The following ADAMTS17 variants were observed in gnomAD, a reference collection of about 807,000 sequenced individuals.
ADAMTS17 encodes the protein A disintegrin and metalloproteinase with thrombospondin motifs 17.
ADAMTS17 carries 113 observed loss-of-function variants against 141.5 expected under a neutral mutation model. The observed-to-expected ratio is 0.80, with a 90% CI of 0.69 to 0.93. The LOEUF is 0.93. Among genes scored for constraint, ADAMTS17 ranks in the 40% least tolerant of loss-of-function variants. ADAMTS17 has a pLI of 0.00. For synonymous variants in ADAMTS17, 768 were observed against 630.6 expected (o/e 1.22, Z -3.27); for missense variants, 1,659 against 1,517.9 (o/e 1.09, Z -1.54).
At chr15:100,136,892 C>T (rs2038361608) in intron 10 of ADAMTS17, among the ~76,000 whole-genome samples, 1 of 152,152 alleles carries the variant, frequency 6.6e-6, no homozygotes, top group South Asian at 2.1e-4. Flanking sequence ...GGGTAGCCAG[C>T]ACAGATAATG....
chr15:100,275,215 C>A (rs998694334), intron 4 of ADAMTS17, among the ~76,000 whole-genome samples: 2 of 152,152 alleles, frequency 1.3e-5, no homozygotes, highest in Non-Finnish European at 2.9e-5. Flanking sequence ...CAAGTTCGGG[C>A]TGCCTAGTGA....
intron 14 of ADAMTS17, among the ~76,000 whole-genome samples, chr15:100,103,450 T>C (rs143783935): frequency 7.2e-4 from 110 of 152,338 alleles, no homozygotes; most frequent in African/African-American, 2.5e-3. Flanking sequence ...GCCTCACAGA[T>C]GATCTTTGGA....
chr15:100,146,574 A>T (rs1000401086), intron 10 of ADAMTS17, among the ~76,000 whole-genome samples: 3 of 152,204 alleles, frequency 2.0e-5, no homozygotes, highest in Non-Finnish European at 4.4e-5. Context: ...ACAAATATGA[A>T]ATCTGGGCAC....
intron 8 of ADAMTS17, among the ~76,000 whole-genome samples, chr15:100,175,328 T>C (rs1312503229): frequency 6.6e-6 from 1 of 152,218 alleles, no homozygotes; most frequent in Non-Finnish European, 1.5e-5. Flanking sequence ...AACAGCCTTC[T>C]GTCCTTATCC....
intron 8 of ADAMTS17, among the ~76,000 whole-genome samples, chr15:100,175,577 C>G (rs761394491): frequency 6.6e-6 from 1 of 152,162 alleles, no homozygotes; most frequent in Non-Finnish European, 1.5e-5. Flanking sequence ...GAATGCACCC[C>G]AGGGCGTGAT....
chr15:100,030,020 G>C (rs559240941), intron 18 of ADAMTS17, among the ~76,000 whole-genome samples: 41 of 152,304 alleles, frequency 2.7e-4, no homozygotes, highest in African/African-American at 9.4e-4. Flanking sequence ...GACATATTGG[G>C]AAAATAATCA....
At chr15:99,983,774 C>T (rs1222311029) in intron 20 of ADAMTS17, among the ~76,000 whole-genome samples, 1 of 152,196 alleles carries the variant, frequency 6.6e-6, no homozygotes, top group Non-Finnish European at 1.5e-5. Flanking sequence ...CCCGTCCCCA[C>T]TGAGTGAGTC....
At chr15:100,221,962 C>T (rs1174892420) in intron 7 of ADAMTS17, among the ~76,000 whole-genome samples, 2 of 152,108 alleles carry the variant, frequency 1.3e-5, no homozygotes, top group African/African-American at 2.4e-5. Flanking sequence ...CACCTGAGGG[C>T]CTCGAGGCCA....
At chr15:100,001,562 G>A (rs911321576) in intron 18 of ADAMTS17, among the ~76,000 whole-genome samples, 5 of 152,242 alleles carry the variant, frequency 3.3e-5, no homozygotes, top group African/African-American at 7.2e-5. Context: ...GTCCCTCAGC[G>A]GTAACGAATG....
intron 18 of ADAMTS17, among the ~76,000 whole-genome samples, chr15:100,025,301 C>T (rs76451139): frequency 0.029 from 4,401 of 152,038 alleles, 112 homozygotes; most frequent in African/African-American, 0.067. Flanking sequence ...CCCTGGAATA[C>T]CTTTATTTTT....
intron 18 of ADAMTS17, among the ~76,000 whole-genome samples, chr15:100,023,255 G>A (rs1405775829): frequency 1.3e-5 from 2 of 151,566 alleles, no homozygotes; most frequent in African/African-American, 2.4e-5. Context: ...AGGATAAAGT[G>A]CAGTGGTGTG....
chr15:100,040,043 C>T (rs976292239), intron 18 of ADAMTS17, among the ~76,000 whole-genome samples: 6 of 152,050 alleles, frequency 3.9e-5, no homozygotes, highest in Non-Finnish European at 8.8e-5. Context: ...TAACTTTTTC[C>T]ATCTTTTTAC....
chr15:100,172,884 G>A (rs149844452), intron 8 of ADAMTS17, among the ~76,000 whole-genome samples: 3 of 152,320 alleles, frequency 2.0e-5, no homozygotes, highest in Admixed American at 6.5e-5. Context: ...TTTCCTTGAG[G>A]TACCGAGGAA....
chr15:100,286,677 C>G (rs2044458563), intron 3 of ADAMTS17, among the ~76,000 whole-genome samples: 1 of 152,100 alleles, frequency 6.6e-6, no homozygotes, highest in Non-Finnish European at 1.5e-5. Context: ...AGGACAGCAA[C>G]TTCAAAGAGT....
intron 15 of ADAMTS17, among the ~76,000 whole-genome samples, chr15:100,083,283 C>T (rs1206208399): frequency 6.6e-6 from 1 of 152,140 alleles, no homozygotes. Context: ...CTCCTGCTGA[C>T]CCACAGTGTG....
intron 18 of ADAMTS17, among the ~76,000 whole-genome samples, chr15:100,008,441 C>A (rs1163721838): frequency 1.3e-5 from 2 of 152,150 alleles, no homozygotes; most frequent in Non-Finnish European, 2.9e-5. Context: ...TCATCGTGGG[C>A]CAAACAGTAG....
At chr15:100,292,563 C>T (rs572618639) in intron 3 of ADAMTS17, among the ~76,000 whole-genome samples, 239 of 152,256 alleles carry the variant, frequency 1.6e-3, no homozygotes, top group Non-Finnish European at 3.0e-3. Flanking sequence ...ACACTCACCC[C>T]GTGTGAAATT....
chr15:100,018,689 A>G (rs919554552), intron 18 of ADAMTS17, among the ~76,000 whole-genome samples: 2 of 152,174 alleles, frequency 1.3e-5, no homozygotes, highest in Non-Finnish European at 2.9e-5. Context: ...TCTCTTTTAC[A>G]TTATCCAGTC....
intron 12 of ADAMTS17, among the ~76,000 whole-genome samples, chr15:100,119,256 G>T (rs1045180948): frequency 7.9e-5 from 12 of 152,104 alleles, no homozygotes; most frequent in African/African-American, 2.9e-4. Context: ...CTGGTTGGGG[G>T]TCCTTTGTTA....
Sources: gnomAD v4.1 joint callset for allele counts (sites outside exome capture counted in the v4.1 genomes callset) on GRCh38, gnomAD v4.1.1 for gene constraint, MANE v1.5 for transcripts, NCBI Gene and HGNC (gene_info 2026-07-23, HGNC 2026-07-21) for gene names.